The following CCDC148 variants were observed in gnomAD, a reference collection of about 807,000 sequenced individuals.
CCDC148 encodes coiled-coil domain-containing protein 148.
In CCDC148, 89 loss-of-function variants were observed where a neutral mutation model predicts 85.7. The observed-to-expected ratio is 1.04, with a 90% CI of 0.87 to 1.24. The LOEUF (loss-of-function observed/expected upper bound fraction) is 1.24. CCDC148 is among the 50% of genes most tolerant of loss of function. The probability of loss-of-function intolerance (pLI) is 0.00; values close to 1 mark genes in which losing one functional copy is unlikely to be tolerated. For synonymous variants in CCDC148, 230 were observed against 213.9 expected (o/e 1.08, Z -0.66); for missense variants, 692 against 671.7 (o/e 1.03, Z -0.33).
intron 9 of CCDC148, among the ~76,000 whole-genome samples, chr2:158,305,688 G>C (rs1183835538): frequency 6.7e-6 from 1 of 149,098 alleles, no homozygotes; most frequent in Non-Finnish European, 1.5e-5. Flanking sequence ...TGGGACATCT[G>C]GGCTGCAATG....
At chr2:158,456,292 CG>C in intron 1 of CCDC148, 122 bp downstream of exon 1, 1 of 961,518 alleles carries the variant, frequency 1.0e-6, no homozygotes, top group East Asian at 2.6e-5. Flanking sequence ...GGACCCAAAA[CG>C]TTGAGGAAAG....
intron 9 of CCDC148, among the ~76,000 whole-genome samples, chr2:158,308,502 CTAA>C (rs1416330181): frequency 6.6e-6 from 1 of 152,160 alleles, no homozygotes; most frequent in African/African-American, 2.4e-5. Context: ...CATTTTTCCT[CTAA>C]TGTTTTAAAA....
At chr2:158,227,510 G>A (rs1687611013) in intron 10 of CCDC148, among the ~76,000 whole-genome samples, 1 of 152,102 alleles carries the variant, frequency 6.6e-6, no homozygotes, top group Non-Finnish European at 1.5e-5. Flanking sequence ...TCAATCCTAA[G>A]CCAAAAGAAC....
chr2:158,351,876 T>C (rs2105257653), intron 2 of CCDC148, among the ~76,000 whole-genome samples: 1 of 150,124 alleles, frequency 6.7e-6, no homozygotes, highest in Admixed American at 6.6e-5. Flanking sequence ...CAGCTGGAGA[T>C]CTGAGAACGG....
intron 11 of CCDC148, among the ~76,000 whole-genome samples, chr2:158,187,108 C>G (rs914364500): frequency 3.9e-5 from 6 of 152,036 alleles, no homozygotes; most frequent in Non-Finnish European, 1.5e-5. Flanking sequence ...AACTCTCCCT[C>G]TTAGTGGAGA....
chr2:158,279,235 A>C (rs1373921166), intron 9 of CCDC148, among the ~76,000 whole-genome samples: 2 of 152,214 alleles, frequency 1.3e-5, no homozygotes, highest in Non-Finnish European at 2.9e-5. Flanking sequence ...TCCTCCTCCA[A>C]AGGATCGCAG....
intron 1 of CCDC148, among the ~76,000 whole-genome samples, chr2:158,408,425 T>C (rs2543647): frequency 0.89 from 135,170 of 152,116 alleles, 60,818 homozygotes; most frequent in Non-Finnish European, 0.96. Context: ...ACATTCTACA[T>C]TCTAATTCTA....
chr2:158,408,590 AACAC>A (rs750025750), intron 1 of CCDC148, among the ~76,000 whole-genome samples: 1 of 151,366 alleles, frequency 6.6e-6, no homozygotes, highest in African/African-American at 2.4e-5. Flanking sequence ...AATATTCATA[AACAC>A]ACACACACAC....
Position 158,330,694 on chromosome 2 carries a change from A to C in CCDC148, c.764+8032T>G, listed in dbSNP as rs1559074994. On this transcript the variant is annotated intron_variant, in intron 7 of 13. Coordinates refer to ENST00000283233, the MANE Select transcript of CCDC148 (RefSeq NM_138803.4). ...TATTGCTTCAATTTCAGAGCCTGTT[A>C]TTGGTCTATTCAGAGATTCAACTTC... Among the ~76,000 whole-genome samples, 6 of 152,180 alleles carry C rather than the reference A, an allele frequency of 3.9e-5. No individual in the cohort carries two copies. The South Asian group carries it at 6.2e-4, about 16-fold the overall frequency.
intron 1 of CCDC148, among the ~76,000 whole-genome samples, chr2:158,413,005 A>C (rs1686334236): frequency 6.6e-6 from 1 of 151,948 alleles, no homozygotes. Flanking sequence ...CAATATAACT[A>C]TTAAAAATTA....
chr2:158,210,152 G>A (rs1203212373), intron 11 of CCDC148, among the ~76,000 whole-genome samples: 2 of 152,154 alleles, frequency 1.3e-5, no homozygotes, highest in African/African-American at 4.8e-5. Context: ...AAAAGGCAGG[G>A]GTTGCGATCC....
At chr2:158,386,938 C>T (rs1411484790) in intron 1 of CCDC148, among the ~76,000 whole-genome samples, 1 of 152,134 alleles carries the variant, frequency 6.6e-6, no homozygotes, top group Non-Finnish European at 1.5e-5. Context: ...GAATCTCTGG[C>T]AAGCAATTCA....
At chr2:158,420,826 G>A (rs1686742338) in intron 1 of CCDC148, among the ~76,000 whole-genome samples, 1 of 152,028 alleles carries the variant, frequency 6.6e-6, no homozygotes, top group African/African-American at 2.4e-5. Flanking sequence ...TCAGTGTGCT[G>A]TATTCAGGAG....
intron 10 of CCDC148, among the ~76,000 whole-genome samples, chr2:158,228,262 C>T (rs913824012): frequency 3.3e-5 from 5 of 152,158 alleles, no homozygotes; most frequent in African/African-American, 1.2e-4. Flanking sequence ...AATGAGATAC[C>T]ATCTCACACC....
chr2:158,212,496 C>T (rs2105293398), intron 11 of CCDC148, among the ~76,000 whole-genome samples: 1 of 152,230 alleles, frequency 6.6e-6, no homozygotes, highest in African/African-American at 2.4e-5. Flanking sequence ...ACTGTCAATT[C>T]TCTGATGTTG....
intron 9 of CCDC148, among the ~76,000 whole-genome samples, chr2:158,254,733 C>T (rs1345239456): frequency 5.3e-5 from 8 of 151,532 alleles, no homozygotes; most frequent in Non-Finnish European, 1.2e-4. Context: ...TTTAGAACTA[C>T]TCTTCTCATT....
chr2:158,230,086 C>T (rs1172600728), intron 10 of CCDC148, among the ~76,000 whole-genome samples: 1 of 152,104 alleles, frequency 6.6e-6, no homozygotes, highest in Non-Finnish European at 1.5e-5. Context: ...TTCTATTAAC[C>T]CTTACCTATA....
At chr2:158,413,020 T>C (rs989294169) in intron 1 of CCDC148, among the ~76,000 whole-genome samples, 4 of 152,018 alleles carry the variant, frequency 2.6e-5, no homozygotes, top group South Asian at 2.1e-4. Flanking sequence ...AAATTAGTTT[T>C]GTAATTCACA....
chr2:158,337,547 C>G (rs541960037), intron 7 of CCDC148, among the ~76,000 whole-genome samples: 1 of 152,106 alleles, frequency 6.6e-6, no homozygotes, highest in Non-Finnish European at 1.5e-5. Context: ...AATCAATCAT[C>G]AAGTGTAAAT....
Sources: allele counts gnomAD v4.1 joint callset (sites outside exome capture counted in the v4.1 genomes callset), GRCh38; gene constraint gnomAD v4.1.1; transcripts MANE v1.5; gene names NCBI Gene and HGNC (gene_info 2026-07-23, HGNC 2026-07-21).